CA10: variants seen among roughly 807,000 people sequenced by gnomAD.
The protein encoded by CA10 is carbonic anhydrase 10 (inactive).
CA10 carries 14 observed loss-of-function variants against 44.2 expected under a neutral mutation model. The ratio of observed to expected loss-of-function variants is 0.32; its 90% CI spans 0.21 to 0.50. The LOEUF (loss-of-function observed/expected upper bound fraction) is 0.50, where lower values mean the gene tolerates loss of function less well. CA10 is among the 20% of genes least tolerant of loss of function. The pLI is 0.99. For synonymous variants in CA10, 159 were observed against 141.6 expected, an observed-to-expected ratio of 1.12 and a Z score of -0.87; for missense variants, 350 against 409.7, an observed-to-expected ratio of 0.85 and a Z score of 1.26.
At chr17:51,690,530 C>T (rs755329507) in intron 4 of CA10, among the ~76,000 whole-genome samples, 1 of 152,172 alleles carries the variant, frequency 6.6e-6, no homozygotes, top group Non-Finnish European at 1.5e-5. Context: ...TGGGAGAGGC[C>T]TGGTGGGAGG....
chr17:52,050,669 A>G lies in CA10; in HGVS notation c.136+21650T>C, dbSNP rs899802146. On this transcript the variant is annotated intron_variant, in intron 2 of 8. Transcript: ENST00000451037. ...AACATGCCAAGCTCTTTCTCACTTCAAGGACTTCCAAGGTTTGTGCTCCAC... is the reference window on the plus strand; with the variant it reads ...AACATGCCAAGCTCTTTCTCACTTCGAGGACTTCCAAGGTTTGTGCTCCAC... 2.3e-4 allele frequency among the ~76,000 whole-genome samples: 35 copies of G among 151,968 alleles called. 1 individual carries two copies. Among genetic ancestry groups the G allele is most frequent in the Admixed American group, 2.0e-3 (30 of 15,222 alleles).
chr17:52,025,048 A>T (rs1986257552), intron 2 of CA10, among the ~76,000 whole-genome samples: 1 of 152,024 alleles, frequency 6.6e-6, no homozygotes, highest in Non-Finnish European at 1.5e-5. Context: ...GTAAGTATGT[A>T]TGCTTGAACC....
At chr17:52,106,829 G>C (rs551272210) in intron 1 of CA10, among the ~76,000 whole-genome samples, 1 of 152,250 alleles carries the variant, frequency 6.6e-6, no homozygotes, top group African/African-American at 2.4e-5. Context: ...GTATTAACTT[G>C]ATCGCCCTCT....
intron 4 of CA10, among the ~76,000 whole-genome samples, chr17:51,736,087 C>A (rs1226300912): frequency 2.0e-5 from 3 of 152,068 alleles, no homozygotes; most frequent in African/African-American, 7.2e-5. Flanking sequence ...CATACCTCAA[C>A]AAAACTGGGG....
intron 6 of CA10, 84 bp from the exon 7 acceptor site, chr17:51,636,093 TAC>T (rs374549679): frequency 1.5e-6 from 1 of 647,446 alleles, no homozygotes; most frequent in South Asian, 3.3e-5. Context: ...TACATACATA[TAC>T]ATATACATAT....
chr17:51,982,715 C>G (rs780366721), intron 2 of CA10, among the ~76,000 whole-genome samples: 1 of 151,876 alleles, frequency 6.6e-6, no homozygotes, highest in Non-Finnish European at 1.5e-5. Context: ...ATACCACAAC[C>G]TTTTCCCAAT....
intron 5 of CA10, among the ~76,000 whole-genome samples, chr17:51,652,085 A>G (rs537548895): frequency 3.3e-5 from 5 of 152,196 alleles, no homozygotes; most frequent in Non-Finnish European, 5.9e-5. Flanking sequence ...GCTCTCTCCC[A>G]GCTCTATTGG....
At chr17:51,831,681 G>GCAGCAGCAGCAGCAT (rs1555604043) in intron 3 of CA10, among the ~76,000 whole-genome samples, 13 of 70,270 alleles carry the variant, frequency 1.9e-4, no homozygotes, top group African/African-American at 5.8e-4. Context: ...AGCAGCAGCA[G>GCAGCAGCAGCAGCAT]CAGCAGCAGC....
At chr17:52,055,295 T>C (rs551479006) in intron 2 of CA10, among the ~76,000 whole-genome samples, 1 of 151,428 alleles carries the variant, frequency 6.6e-6, no homozygotes, top group Non-Finnish European at 1.5e-5. Flanking sequence ...ACAAACCTTT[T>C]ATTGGACACC....
chr17:52,141,119 G>T (rs1343849623), intron 1 of CA10, among the ~76,000 whole-genome samples: 1 of 152,154 alleles, frequency 6.6e-6, no homozygotes, highest in Non-Finnish European at 1.5e-5. Context: ...CTCCTTCCCT[G>T]CCGAACTGCC....
intron 2 of CA10, among the ~76,000 whole-genome samples, chr17:52,021,772 A>T (rs1325662092): frequency 6.6e-6 from 1 of 152,122 alleles, no homozygotes; most frequent in East Asian, 1.9e-4. Flanking sequence ...ATTATTATGA[A>T]CACCTCTATG....
intron 2 of CA10, among the ~76,000 whole-genome samples, chr17:52,049,552 CTT>C (rs1987001553): frequency 1.3e-5 from 2 of 152,108 alleles, no homozygotes; most frequent in South Asian, 4.1e-4. Context: ...GTGGGTGAAA[CTT>C]TTGGCATCTC....
chr17:52,154,268 C>A (rs1032284298), intron 1 of CA10, among the ~76,000 whole-genome samples: 1 of 152,168 alleles, frequency 6.6e-6, no homozygotes, highest in African/African-American at 2.4e-5. Context: ...GGATGTGAAA[C>A]CTCTAGTCTG....
chr17:51,978,649 A>T (rs886401009), intron 2 of CA10, among the ~76,000 whole-genome samples: 12 of 152,128 alleles, frequency 7.9e-5, no homozygotes, highest in African/African-American at 2.9e-4. Context: ...GGCAGAACAC[A>T]ATAGGCATTA....
At chr17:51,867,962 T>G (rs546538955) in intron 3 of CA10, among the ~76,000 whole-genome samples, 6 of 152,180 alleles carry the variant, frequency 3.9e-5, no homozygotes, top group Non-Finnish European at 8.8e-5. Flanking sequence ...AGTTTGATGA[T>G]GATCCACTGT....
chr17:52,094,098 A>G (rs1312495414), intron 1 of CA10, among the ~76,000 whole-genome samples: 7 of 152,112 alleles, frequency 4.6e-5, no homozygotes, highest in Non-Finnish European at 7.4e-5. Flanking sequence ...GAACAATGAG[A>G]ACACATGGAC....
intron 1 of CA10, among the ~76,000 whole-genome samples, chr17:52,100,279 G>T (rs928990868): frequency 5.9e-5 from 9 of 152,140 alleles, no homozygotes; most frequent in Non-Finnish European, 1.3e-4. Flanking sequence ...TTTCTGATAG[G>T]CACAGAGATA....
intron 4 of CA10, among the ~76,000 whole-genome samples, chr17:51,714,263 T>C (rs1916028994): frequency 6.6e-6 from 1 of 152,340 alleles, no homozygotes; most frequent in African/African-American, 2.4e-5. Context: ...GCATAGATTT[T>C]GCAATCCAGA....
chr17:51,947,550 A>G (rs1025406875), intron 2 of CA10, among the ~76,000 whole-genome samples: 2 of 152,206 alleles, frequency 1.3e-5, no homozygotes, highest in African/African-American at 4.8e-5. Context: ...ATATGACACT[A>G]TAATCTGAAT....
Sources: gnomAD v4.1 joint callset for allele counts (sites outside exome capture counted in the v4.1 genomes callset) on GRCh38, gnomAD v4.1.1 for gene constraint, MANE v1.5 for transcripts, NCBI Gene and HGNC (gene_info 2026-07-23, HGNC 2026-07-21) for gene names.